TCF7L2: variants seen among roughly 807,000 people sequenced by gnomAD.
TCF7L2 encodes the protein transcription factor 7-like 2.
TCF7L2 carries 23 observed loss-of-function variants against 77.9 expected under a neutral mutation model. The ratio of observed to expected loss-of-function variants is 0.30; its 90% CI spans 0.21 to 0.42. The LOEUF (loss-of-function observed/expected upper bound fraction) is 0.42. TCF7L2 is among the 10% of genes least tolerant of loss of function. The probability of loss-of-function intolerance (pLI) is 1.00; values close to 1 mark genes in which losing one functional copy is unlikely to be tolerated. For missense variants in TCF7L2, 654 were observed against 793.1 expected, an observed-to-expected ratio of 0.82 and a Z score of 2.11; for synonymous variants, 413 against 340.2, an observed-to-expected ratio of 1.21 and a Z score of -2.36.
At chr10:112,961,643 A>G (rs1236549931) in intron 3 of TCF7L2, among the ~76,000 whole-genome samples, 2 of 152,178 alleles carry the variant, frequency 1.3e-5, no homozygotes, top group Non-Finnish European at 2.9e-5. Flanking sequence ...CAAAGGAGAA[A>G]TAAAAATTTT....
intron 5 of TCF7L2, among the ~76,000 whole-genome samples, chr10:113,098,785 C>T (rs572559519): frequency 9.2e-5 from 14 of 152,316 alleles, no homozygotes; most frequent in African/African-American, 2.6e-4. Context: ...TCCTGTTCTA[C>T]GAATTGTAAT....
chr10:113,159,025 A>G (rs1372392104), intron 12 of TCF7L2, among the ~76,000 whole-genome samples: 1 of 146,940 alleles, frequency 6.8e-6, no homozygotes, highest in East Asian at 2.0e-4. Context: ...GAGACTGGTT[A>G]AAAAAAAAAA....
Position 113,127,219 on chromosome 10 carries a change from G to T in TCF7L2, c.553-13965G>T, listed in dbSNP as rs556575913. Among the ~76,000 whole-genome samples, 135 of 147,302 alleles carry T rather than the reference G, an allele frequency of 9.2e-4. 3 individuals carry two copies. In the South Asian group the frequency reaches 0.029, roughly 32 times the overall value. ...ATGCTTTTTTATTATTATTAACTTG[G>T]ACGTGAATACGGAGGGGTTTCGGGT... is the stretch of plus-strand genomic sequence containing the variant. On this transcript the variant is annotated intron_variant, in intron 5 of 13. Coordinates refer to ENST00000627217, the MANE Select transcript of TCF7L2 (RefSeq NM_001146274.2).
chr10:113,153,293 T>C (rs756036657), intron 11 of TCF7L2, among the ~76,000 whole-genome samples: 73 of 152,254 alleles, frequency 4.8e-4, no homozygotes, highest in Non-Finnish European at 9.7e-4. Context: ...CTTTCCTCTC[T>C]CGAGGGATGA....
At chr10:113,135,080 T>C (rs769410784) in intron 5 of TCF7L2, among the ~76,000 whole-genome samples, 9 of 152,216 alleles carry the variant, frequency 5.9e-5, no homozygotes, top group South Asian at 2.1e-4. Context: ...CCCACAGTTA[T>C]AGAGCCTTGT....
chr10:113,040,705 G>A (rs2052291491), intron 5 of TCF7L2, among the ~76,000 whole-genome samples: 1 of 152,216 alleles, frequency 6.6e-6, no homozygotes, highest in Non-Finnish European at 1.5e-5. Flanking sequence ...AGGTTTGATA[G>A]AGAAAGCATT....
At chr10:112,990,887 T>C (rs2042417426) in intron 4 of TCF7L2, among the ~76,000 whole-genome samples, 1 of 152,046 alleles carries the variant, frequency 6.6e-6, no homozygotes, top group Non-Finnish European at 1.5e-5. Context: ...GGGAGAAAAA[T>C]GCTACCCAAG....
intron 5 of TCF7L2, among the ~76,000 whole-genome samples, chr10:113,097,510 A>G (rs1226890679): frequency 6.6e-6 from 1 of 151,628 alleles, no homozygotes; most frequent in Non-Finnish European, 1.5e-5. Flanking sequence ...AAAATTAGCC[A>G]GACATGGTGG....
intron 5 of TCF7L2, among the ~76,000 whole-genome samples, chr10:113,095,824 C>G (rs1045005872): frequency 6.6e-6 from 1 of 152,226 alleles, no homozygotes; most frequent in South Asian, 2.1e-4. Context: ...GCATCCTAGC[C>G]TCAGTGAGCC....
intron 4 of TCF7L2, among the ~76,000 whole-genome samples, chr10:113,014,142 G>T (rs1324351449): frequency 6.6e-6 from 1 of 152,208 alleles, no homozygotes; most frequent in Non-Finnish European, 1.5e-5. Flanking sequence ...AAGAAGGGTG[G>T]TTAGACAGGG....
chr10:113,109,542 C>T (rs1194576413), intron 5 of TCF7L2, among the ~76,000 whole-genome samples: 1 of 152,164 alleles, frequency 6.6e-6, no homozygotes, highest in Admixed American at 6.5e-5. Context: ...AGGCTCCTGC[C>T]ACCACGCCCA....
chr10:113,062,750 G>A (rs560712964), intron 5 of TCF7L2, among the ~76,000 whole-genome samples: 1 of 152,160 alleles, frequency 6.6e-6, no homozygotes, highest in African/African-American at 2.4e-5. Context: ...GTTGAACCTG[G>A]AGGTCAGGGC....
At chr10:113,026,462 G>A (rs1590671959) in intron 4 of TCF7L2, among the ~76,000 whole-genome samples, 2 of 152,260 alleles carry the variant, frequency 1.3e-5, no homozygotes, top group East Asian at 3.9e-4. Context: ...CCTGGCCTAA[G>A]TTTGGTTTTT....
At chr10:112,985,101 A>G (rs538338267) in intron 4 of TCF7L2, among the ~76,000 whole-genome samples, 9 of 152,312 alleles carry the variant, frequency 5.9e-5, no homozygotes, top group Admixed American at 5.9e-4. Flanking sequence ...ACAATGGCCC[A>G]TGCTAAGGAA....
chr10:113,111,300 G>T (rs1157092837), intron 5 of TCF7L2, among the ~76,000 whole-genome samples: 2 of 151,952 alleles, frequency 1.3e-5, no homozygotes, highest in African/African-American at 4.8e-5. Flanking sequence ...ATTCCCTGAG[G>T]GCAGGACTTT....
At chr10:113,141,440 G>A in intron 6 of TCF7L2, 124 bp downstream of exon 6, 1 of 1,399,574 alleles carries the variant, frequency 7.1e-7, no homozygotes. Context: ...GGTGGTGGGG[G>A]GGCCCCTGTT....
At chr10:113,100,166 T>C (rs1365992591) in intron 5 of TCF7L2, among the ~76,000 whole-genome samples, 3 of 152,198 alleles carry the variant, frequency 2.0e-5, no homozygotes, top group Admixed American at 2.0e-4. Flanking sequence ...GGGAGAAGAA[T>C]GGCTTTCATT....
chr10:113,133,924 G>T (rs1325243100), intron 5 of TCF7L2, among the ~76,000 whole-genome samples: 5 of 152,194 alleles, frequency 3.3e-5, no homozygotes, highest in Non-Finnish European at 5.9e-5. Context: ...CAGCAGCCCG[G>T]CCAGAGGATG....
chr10:113,161,730 C>T (rs140068563), intron 13 of TCF7L2: 58 of 993,826 alleles, frequency 5.8e-5, no homozygotes, highest in South Asian at 8.9e-5. Context: ...CATCCCATTA[C>T]GTGCATGCCC....
Sources: allele counts gnomAD v4.1 joint callset (sites outside exome capture counted in the v4.1 genomes callset), GRCh38; gene constraint gnomAD v4.1.1; transcripts MANE v1.5; gene names NCBI Gene and HGNC (gene_info 2026-07-23, HGNC 2026-07-21).